NOX4: variants seen among roughly 807,000 people sequenced by gnomAD.
NOX4 encodes NADPH oxidase 4, also known as kidney oxidase-1.
A neutral mutation model predicts 87.6 loss-of-function variants in NOX4; 69 were observed. The observed-to-expected ratio is 0.79, with a 90% confidence interval of 0.65 to 0.96. The LOEUF (loss-of-function observed/expected upper bound fraction) is 0.96, where lower values mean the gene tolerates loss of function less well. NOX4 is among the 40% of genes least tolerant of loss of function. The pLI, the probability that NOX4 is intolerant of heterozygous loss-of-function variation, is 0.00. For missense variants in NOX4, 680 were observed against 681.5 expected (o/e 1.00, Z 0.02); for synonymous variants, 275 against 238.2 (o/e 1.15, Z -1.42).
intron 8 of NOX4, among the ~76,000 whole-genome samples, chr11:89,412,007 A>C (rs1942507051): frequency 6.6e-6 from 1 of 152,154 alleles, no homozygotes; most frequent in Non-Finnish European, 1.5e-5. Flanking sequence ...CCAAAAAGGA[A>C]GAGGAGAAGC....
upstream of NOX4, among the ~76,000 whole-genome samples, chr11:89,494,032 G>A (rs1026266443): frequency 2.0e-5 from 3 of 152,148 alleles, no homozygotes; most frequent in African/African-American, 4.8e-5. Flanking sequence ...TGGGATTACA[G>A]GCGTGAGCCA....
At chr11:89,476,312 CT>C (rs1439447996) in intron 2 of NOX4, among the ~76,000 whole-genome samples, 1 of 151,868 alleles carries the variant, frequency 6.6e-6, no homozygotes, top group South Asian at 2.1e-4. Context: ...ATATATGTAG[CT>C]TTTTTTGGTT....
chr11:89,468,021 T>C (rs187476375), intron 2 of NOX4, among the ~76,000 whole-genome samples: 122 of 152,332 alleles, frequency 8.0e-4, no homozygotes, highest in African/African-American at 2.8e-3. Flanking sequence ...AGTAAATTTA[T>C]TTTGCTAAAT....
chr11:89,365,148 A>C lies in NOX4; in HGVS notation c.1135+8284T>G, dbSNP rs868817882. ...CATGCCTCAACATCTGGTACTTTTA[A>C]ATACTGTAAGGTCTGAAGGTAGACA... is the stretch of plus-strand genomic sequence containing the variant. On this transcript the variant is annotated intron_variant, in intron 12 of 17. Coordinates refer to ENST00000263317, the MANE Select transcript of NOX4 (RefSeq NM_016931.5). 1.3e-3 allele frequency among the ~76,000 whole-genome samples: 192 copies of C among 152,202 alleles called. 10 individuals carry two copies. Among genetic ancestry groups the C allele is most frequent in the Middle Eastern group, 0.01 (3 of 294 alleles).
chr11:89,449,379 G>C (rs922475131), intron 4 of NOX4, 61 bp downstream of exon 4: 8 of 1,248,824 alleles, frequency 6.4e-6, no homozygotes, highest in African/African-American at 1.5e-5. Context: ...TGTATGTCTG[G>C]AATGTTTACA....
the NOX4 span, among the ~76,000 whole-genome samples, chr11:89,553,029 G>T: frequency 6.6e-6 from 1 of 152,188 alleles, no homozygotes; most frequent in South Asian, 2.1e-4. Flanking sequence ...GATACCTCCT[G>T]CCACTCACCC....
the NOX4 span, among the ~76,000 whole-genome samples, chr11:89,572,614 A>C: frequency 6.6e-6 from 1 of 152,126 alleles, no homozygotes; most frequent in Non-Finnish European, 1.5e-5. Flanking sequence ...CAGTGGCACA[A>C]TCTAGGCTCA....
chr11:89,425,050 C>A (rs1004139876), intron 7 of NOX4, among the ~76,000 whole-genome samples: 1 of 152,024 alleles, frequency 6.6e-6, no homozygotes, highest in African/African-American at 2.4e-5. Context: ...TATAAAAGCT[C>A]AGGATTGAAG....
the NOX4 span, among the ~76,000 whole-genome samples, chr11:89,519,536 G>C: frequency 1.3e-5 from 2 of 151,996 alleles, no homozygotes; most frequent in African/African-American, 4.8e-5. Context: ...TAAAAGAGGT[G>C]AACATTTTTT....
the NOX4 span, among the ~76,000 whole-genome samples, chr11:89,513,060 C>T: frequency 6.6e-6 from 1 of 152,058 alleles, no homozygotes; most frequent in African/African-American, 2.4e-5. Flanking sequence ...GTGGCTCACT[C>T]CTGTAATCCC....
At chr11:89,466,115 ACT>A (rs1945682074) in intron 2 of NOX4, among the ~76,000 whole-genome samples, 1 of 152,148 alleles carries the variant, frequency 6.6e-6, no homozygotes, top group Non-Finnish European at 1.5e-5. Context: ...ATCTATTGAC[ACT>A]GTAGTCTTGC....
intron 2 of NOX4, among the ~76,000 whole-genome samples, chr11:89,454,460 T>A (rs1945099476): frequency 6.6e-6 from 1 of 152,032 alleles, no homozygotes; most frequent in African/African-American, 2.4e-5. Flanking sequence ...ACATTGGCAT[T>A]TTTGAAAGCT....
At chr11:89,370,008 C>T (rs923745247) in intron 12 of NOX4, among the ~76,000 whole-genome samples, 4 of 151,860 alleles carry the variant, frequency 2.6e-5, no homozygotes, top group Admixed American at 6.6e-5. Flanking sequence ...GCCTATAACA[C>T]GACTGGCTCC....
At chr11:89,442,111 T>C (rs150870583) in intron 5 of NOX4, among the ~76,000 whole-genome samples, 2 of 151,012 alleles carry the variant, frequency 1.3e-5, no homozygotes, top group South Asian at 2.1e-4. Flanking sequence ...CTTGTACCTA[T>C]TAGATGCTAA....
intron 8 of NOX4, among the ~76,000 whole-genome samples, chr11:89,410,066 A>G (rs1942395971): frequency 6.6e-6 from 1 of 151,944 alleles, no homozygotes; most frequent in African/African-American, 2.4e-5. Context: ...AAAAAATAAA[A>G]TAAAATAAAA....
At chr11:89,489,242 T>C (rs140021375) in intron 2 of NOX4, among the ~76,000 whole-genome samples, 3 of 152,078 alleles carry the variant, frequency 2.0e-5, no homozygotes, top group Admixed American at 6.5e-5. Context: ...ATGTAAAACA[T>C]AGAAGGGAGA....
the NOX4 span, among the ~76,000 whole-genome samples, chr11:89,572,586 G>A: frequency 1.3e-5 from 2 of 152,100 alleles, no homozygotes; most frequent in Non-Finnish European, 2.9e-5. Flanking sequence ...GTCTCACTCT[G>A]TCGCCCAGGC....
At chr11:89,425,238 TGTTA>T (rs1157236239) in intron 7 of NOX4, among the ~76,000 whole-genome samples, 2 of 152,030 alleles carry the variant, frequency 1.3e-5, no homozygotes, top group African/African-American at 4.8e-5. Flanking sequence ...CATGTACTGA[TGTTA>T]GTGAGTTGCC....
At chr11:89,515,606 T>G in the NOX4 span, among the ~76,000 whole-genome samples, 1 of 151,880 alleles carries the variant, frequency 6.6e-6, no homozygotes, top group Non-Finnish European at 1.5e-5. Context: ...ATAGTTATGT[T>G]TCTCTGTTCT....
Sources: allele counts gnomAD v4.1 joint callset (sites outside exome capture counted in the v4.1 genomes callset), GRCh38; gene constraint gnomAD v4.1.1; transcripts MANE v1.5; gene names NCBI Gene and HGNC (gene_info 2026-07-23, HGNC 2026-07-21).